The following MELK variants were observed in gnomAD, a reference collection of about 807,000 sequenced individuals.
MELK encodes maternal embryonic leucine zipper kinase.
Under a neutral mutation model 85.0 loss-of-function variants are expected in MELK, and 81 were observed. The observed-to-expected ratio is 0.95, with a 90% confidence interval of 0.80 to 1.15. The LOEUF is 1.15. Ranked by LOEUF, MELK falls within the 50% of genes most tolerant of loss-of-function variation. MELK has a pLI of 0.00. For missense variants in MELK, 754 were observed against 777.5 expected (o/e 0.97, Z 0.36); for synonymous variants, 252 against 265.0 (o/e 0.95, Z 0.48).
rs1172977555 is a variant in MELK at position 36,677,614 on chromosome 9, T to C, written c.*277T>C. On this transcript the variant is annotated 3_prime_UTR_variant, in exon 18 of 18. Coordinates refer to ENST00000298048, the MANE Select transcript of MELK (RefSeq NM_014791.4). ...TCTTAGATTCACTTCCATATGTGAA[T>C]GTAAGCTCTTAACTATGTCTCTTTG... is the stretch of plus-strand genomic sequence containing the variant. The C allele has an allele frequency of 4.1e-6, 1 of 243,720 alleles. No individual in the cohort carries two copies. The highest frequency in any genetic ancestry group is 7.8e-6 in the Non-Finnish European group (1 of 128,690). The allele number at this position is 243,720 out of a possible 1,614,324, so 15.1% of individuals were successfully genotyped here.
At chr9:36,649,579 G>A (rs953366153) in intron 11 of MELK, among the ~76,000 whole-genome samples, 2 of 152,036 alleles carry the variant, frequency 1.3e-5, no homozygotes, top group African/African-American at 4.8e-5. Context: ...GACCAGCCTG[G>A]ACAACATGGT....
chr9:36,643,080 A>G lies in MELK; in HGVS notation c.918A>G (p.Ser306=), dbSNP rs762100300. Residue 306 remains serine, a synonymous_variant, in exon 11 of 18, where the codon TCA becomes TCG. Coordinates refer to ENST00000298048, the MANE Select transcript of MELK (RefSeq NM_014791.4). ...GGCAAACAATGGAGGATTTAATTTC[A>G]CTGGTAAGAAATACAGCATGGGCTG... ...NNRQTMEDLI[S]LWQYDHLTAT... is the part of the protein sequence containing the mutation. 6.2e-7 allele frequency: 1 copy of G among 1,611,556 alleles called. No homozygotes were observed. The highest frequency in any genetic ancestry group is 2.2e-5 in the East Asian group (1 of 44,808).
chr9:36,644,420 A>G (rs1830045814), intron 11 of MELK, among the ~76,000 whole-genome samples: 2 of 152,252 alleles, frequency 1.3e-5, no homozygotes, highest in Admixed American at 1.3e-4. Flanking sequence ...AAAAAATTAA[A>G]CAAAGCTTTG....
chr9:36,626,021 A>G (rs1299542908), intron 8 of MELK, among the ~76,000 whole-genome samples: 1 of 152,218 alleles, frequency 6.6e-6, no homozygotes, highest in Admixed American at 6.5e-5. Flanking sequence ...AATGCACTGA[A>G]TAAGGGTTCT....
chr9:36,629,466 C>T (rs762062788), intron 8 of MELK, among the ~76,000 whole-genome samples: 7 of 152,162 alleles, frequency 4.6e-5, no homozygotes, highest in Non-Finnish European at 1.0e-4. Flanking sequence ...CCTTCTTAGT[C>T]TCTTTTAGTC....
intron 4 of MELK, among the ~76,000 whole-genome samples, chr9:36,589,952 C>T (rs745368030): frequency 8.6e-5 from 10 of 116,736 alleles, no homozygotes; most frequent in Non-Finnish European, 1.3e-4. Flanking sequence ...GACGGAATTT[C>T]GCTCTGTCGC....
chr9:36,623,779 GAAT>G (rs1254449990), intron 8 of MELK, among the ~76,000 whole-genome samples: 3 of 152,210 alleles, frequency 2.0e-5, no homozygotes, highest in Non-Finnish European at 4.4e-5. Context: ...CTCAAAAAAG[GAAT>G]ACTACTTTTT....
chr9:36,587,192 G>C (rs1165032571), intron 3 of MELK, among the ~76,000 whole-genome samples: 1 of 151,866 alleles, frequency 6.6e-6, no homozygotes, highest in African/African-American at 2.4e-5. Flanking sequence ...TCCCCACAAA[G>C]AAAGAAGATT....
At chr9:36,669,259 A>T in intron 14 of MELK, 51 bp from the exon 15 acceptor site, 1 of 1,222,086 alleles carries the variant, frequency 8.2e-7, no homozygotes, top group Non-Finnish European at 1.1e-6. Context: ...TAGAAATTTC[A>T]GAACCATAGT....
At position 36,665,512 on chromosome 9, in the gene MELK, C is replaced by T; in HGVS notation, c.1339C>T (p.Pro447Ser). Residue 447 changes from proline (P) to serine (S), a missense_variant, in exon 14 of 18, where the codon CCA (proline) becomes TCA (serine). By Grantham distance (74) the Pro-to-Ser change is moderately conservative (BLOSUM62 -1). Coordinates refer to ENST00000298048, the MANE Select transcript of MELK (RefSeq NM_014791.4). ...CTTTATGTTTCCTGAGCCAAAGACT[C>T]CAGTTAATAAGAACCAGCATAAGAG... The part of the protein sequence containing the change: ...EYFMFPEPKT[P>S]VNKNQHKREI... 4 of 1,613,820 alleles carry T rather than the reference C, an allele frequency of 2.5e-6. No homozygotes were observed. Among genetic ancestry groups the T allele is most frequent in the Non-Finnish European group, 3.4e-6 (4 of 1,179,868 alleles).
chr9:36,617,615 C>T, intron 8 of MELK, among the ~76,000 whole-genome samples: 1 of 152,206 alleles, frequency 6.6e-6, no homozygotes, highest in South Asian at 2.1e-4. Context: ...CCACTGTGCC[C>T]AGCCTGTCAA....
chr9:36,621,275 GAAAAAAA>G (rs74181196), intron 8 of MELK, among the ~76,000 whole-genome samples: 126 of 32,392 alleles, frequency 3.9e-3, no homozygotes, highest in African/African-American at 6.5e-3. Flanking sequence ...CTGTCTCAGG[GAAAAAAA>G]AAAAAAAAAA....
intron 7 of MELK, among the ~76,000 whole-genome samples, chr9:36,601,441 A>G (rs1014008254): frequency 6.6e-6 from 1 of 152,124 alleles, no homozygotes; most frequent in Non-Finnish European, 1.5e-5. Flanking sequence ...CAGGTTATGT[A>G]TTTTTGGCAG....
chr9:36,672,342 A>G (rs1227942161), intron 16 of MELK, among the ~76,000 whole-genome samples: 3 of 152,230 alleles, frequency 2.0e-5, no homozygotes, highest in Non-Finnish European at 2.9e-5. Context: ...AAAAAACCAT[A>G]GTACCATTGC....
At position 36,677,567 on chromosome 9, in the gene MELK, G is replaced by C. The variant is rs1587652678; in HGVS notation, c.*230G>C. ...CTGTCTTTTTTAATCATGTGGTTTT[G>C]TATATTAATAATTGTTGACTTTCTT... On this transcript the variant is annotated 3_prime_UTR_variant, in exon 18 of 18. Transcript: ENST00000298048. 1 of 344,870 alleles carries C rather than the reference G, an allele frequency of 2.9e-6. No individual in the cohort carries two copies. Among genetic ancestry groups the C allele is most frequent in the Admixed American group, 4.8e-5 (1 of 20,882 alleles). 21.4% of individuals were successfully genotyped at this position (344,870 alleles called of 1,614,324 possible).
rs1012831938 is a variant in MELK, at chr9:36,660,074, C to T, written c.1176+2711C>T. ...TCAGCCTCCCAAAGTGCTGGGATTACAGGCGTGAGCCACCATGCCCAGCCC... is the reference window on the plus strand; with the variant it reads ...TCAGCCTCCCAAAGTGCTGGGATTATAGGCGTGAGCCACCATGCCCAGCCC... On this transcript the variant is annotated intron_variant, in intron 13 of 17. Coordinates refer to ENST00000298048, the MANE Select transcript of MELK (RefSeq NM_014791.4). 2.0e-5 allele frequency among the ~76,000 whole-genome samples: 3 copies of T among 152,328 alleles called. No individual in the cohort carries two copies. In the East Asian group the frequency reaches 5.8e-4, roughly 29 times the overall value.
intron 8 of MELK, among the ~76,000 whole-genome samples, chr9:36,628,426 A>G: frequency 1.4e-5 from 2 of 147,188 alleles, no homozygotes; most frequent in South Asian, 4.3e-4. Flanking sequence ...TTGTTAATGA[A>G]TTTTTTTTTT....
At chr9:36,638,658 A>T (rs1014767373) in intron 10 of MELK, among the ~76,000 whole-genome samples, 1 of 152,204 alleles carries the variant, frequency 6.6e-6, no homozygotes, top group African/African-American at 2.4e-5. Flanking sequence ...TATTTTAGTA[A>T]GGGCTCTCTG....
chr9:36,672,347 C>CA (rs1041627588), intron 16 of MELK, among the ~76,000 whole-genome samples: 7 of 152,068 alleles, frequency 4.6e-5, no homozygotes, highest in African/African-American at 1.7e-4. Context: ...ACCATAGTAC[C>CA]ATTGCACTGA....
Sources: gnomAD v4.1 joint callset for allele counts (sites outside exome capture counted in the v4.1 genomes callset) on GRCh38, gnomAD v4.1.1 for gene constraint, MANE v1.5 for transcripts, NCBI Gene and HGNC (gene_info 2026-07-23, HGNC 2026-07-21) for gene names.